Variants in SUGCT observed in about 807,000 individuals in gnomAD.
SUGCT encodes succinyl-CoA:glutarate-CoA transferase, also known as succinyl-CoA:glutarate CoA-transferase.
In SUGCT, 41 loss-of-function variants were observed where a neutral mutation model predicts 55.0. That is an observed-to-expected ratio of 0.74 (90% CI 0.58 to 0.97). SUGCT has a LOEUF of 0.97. Among genes scored for constraint, SUGCT ranks in the 50% least tolerant of loss-of-function variants. SUGCT has a pLI of 0.00. For synonymous variants in SUGCT, 187 were observed against 200.4 expected (o/e 0.93, Z 0.56); for missense variants, 568 against 547.8 (o/e 1.04, Z -0.37).
intron 12 of SUGCT, among the ~76,000 whole-genome samples, chr7:40,622,602 C>T (rs11771761): frequency 7.5e-6 from 1 of 133,050 alleles, no homozygotes; most frequent in South Asian, 2.7e-4. Context: ...TATATGCATA[C>T]TGCTATACCC....
intron 12 of SUGCT, among the ~76,000 whole-genome samples, chr7:40,741,079 G>T (rs1399023807): frequency 1.3e-5 from 2 of 151,960 alleles, no homozygotes; most frequent in African/African-American, 4.8e-5. Context: ...AGGAGTTCAA[G>T]ACTGTCAGAT....
chr7:40,757,586 T>A (rs1299832788), intron 13 of SUGCT, among the ~76,000 whole-genome samples: 4 of 152,316 alleles, frequency 2.6e-5, no homozygotes, highest in African/African-American at 7.2e-5. Context: ...GAAGTGATAT[T>A]TATGCTCAAG....
Position 40,246,683 on chromosome 7 carries a change from GC to G in SUGCT, c.576+8959del, listed in dbSNP as rs1789904271. The stretch of plus-strand genomic sequence containing the variant: ...ATGATCTCCGCTCACTGCAACCTCT[GC>G]CTCCAAGGTTCAAGCGATTCTCGTG... On this transcript the variant is annotated intron_variant, in intron 7 of 13. Transcript: ENST00000335693. Among the ~76,000 whole-genome samples, 2 of 149,774 alleles carry G rather than the reference GC, an allele frequency of 1.3e-5. 1 individual carries two copies. The highest frequency in any genetic ancestry group is 4.2e-4 in the South Asian group (2 of 4,754).
chr7:40,809,182 GTTGTT>G (rs1344633853), intron 13 of SUGCT, among the ~76,000 whole-genome samples: 1 of 152,138 alleles, frequency 6.6e-6, no homozygotes, highest in Non-Finnish European at 1.5e-5. Context: ...TATAAACAAG[GTTGTT>G]ATGAAGATTA....
intron 6 of SUGCT, among the ~76,000 whole-genome samples, chr7:40,232,007 A>G (rs999661382): frequency 1.3e-5 from 2 of 152,140 alleles, no homozygotes; most frequent in South Asian, 4.1e-4. Context: ...AGGCTGAGGC[A>G]GGTGGATTGC....
intron 11 of SUGCT, among the ~76,000 whole-genome samples, chr7:40,490,298 T>C (rs192438984): frequency 1.3e-5 from 2 of 152,164 alleles, no homozygotes; most frequent in African/African-American, 4.8e-5. Context: ...TTTGTATATT[T>C]GTTGCTATGA....
intron 9 of SUGCT, among the ~76,000 whole-genome samples, chr7:40,417,964 C>A (rs1787102163): frequency 6.6e-6 from 1 of 151,828 alleles, no homozygotes; most frequent in Non-Finnish European, 1.5e-5. Context: ...CATAGAAAAA[C>A]AATACATGTG....
intron 12 of SUGCT, among the ~76,000 whole-genome samples, chr7:40,595,927 A>G (rs993646982): frequency 1.3e-5 from 2 of 152,196 alleles, no homozygotes; most frequent in Non-Finnish European, 2.9e-5. Flanking sequence ...TCTGCAGCTG[A>G]TGGAAAACAT....
At chr7:40,715,607 A>C (rs1363461782) in intron 12 of SUGCT, among the ~76,000 whole-genome samples, 1 of 152,156 alleles carries the variant, frequency 6.6e-6, no homozygotes, top group Non-Finnish European at 1.5e-5. Context: ...TAAAAGCTAC[A>C]AAAGGAAGAA....
intron 12 of SUGCT, among the ~76,000 whole-genome samples, chr7:40,532,500 T>C (rs989365525): frequency 6.6e-6 from 1 of 151,350 alleles, no homozygotes; most frequent in Non-Finnish European, 1.5e-5. Context: ...ACTTCAAGTC[T>C]GACACCCTGA....
At chr7:40,441,757 G>A (rs1319711242) in intron 9 of SUGCT, among the ~76,000 whole-genome samples, 2 of 152,168 alleles carry the variant, frequency 1.3e-5, no homozygotes, top group African/African-American at 4.8e-5. Flanking sequence ...GAGTATGGGA[G>A]TTTGGAAGTA....
intron 11 of SUGCT, among the ~76,000 whole-genome samples, chr7:40,494,184 A>C (rs1327291445): frequency 6.6e-6 from 1 of 152,162 alleles, no homozygotes; most frequent in Admixed American, 6.5e-5. Context: ...TTCTGTGTAG[A>C]TCTTTCAGGC....
At chr7:40,295,403 C>T (rs536855981) in intron 8 of SUGCT, among the ~76,000 whole-genome samples, 1 of 152,160 alleles carries the variant, frequency 6.6e-6, no homozygotes, top group East Asian at 1.9e-4. Context: ...TGGTGAAACC[C>T]CATCTCTACT....
intron 13 of SUGCT, among the ~76,000 whole-genome samples, chr7:40,854,653 A>G (rs1794076549): frequency 6.6e-6 from 1 of 151,994 alleles, no homozygotes; most frequent in Admixed American, 6.6e-5. Flanking sequence ...ATGTCCCTTG[A>G]GAAAGTTGAA....
At chr7:40,711,720 G>A (rs1394810294) in intron 12 of SUGCT, among the ~76,000 whole-genome samples, 1 of 152,114 alleles carries the variant, frequency 6.6e-6, no homozygotes, top group Non-Finnish European at 1.5e-5. Flanking sequence ...ACTAACTGTT[G>A]GAGTCACTCA....
chr7:40,286,860 C>A (rs1439325032), intron 8 of SUGCT, among the ~76,000 whole-genome samples: 2 of 152,098 alleles, frequency 1.3e-5, no homozygotes, highest in Admixed American at 6.6e-5. Context: ...GAGGGACTTT[C>A]TTGGCAGGAC....
intron 9 of SUGCT, among the ~76,000 whole-genome samples, chr7:40,428,522 CTGTGTGTGTG>C (rs56017526): frequency 1.4e-3 from 201 of 148,872 alleles, no homozygotes; most frequent in African/African-American, 2.5e-3. Context: ...TCTGTCTCTG[CTGTGTGTGTG>C]TGTGTGTGTG....
intron 12 of SUGCT, among the ~76,000 whole-genome samples, chr7:40,590,689 G>A (rs1325810482): frequency 6.6e-6 from 1 of 152,130 alleles, no homozygotes; most frequent in African/African-American, 2.4e-5. Flanking sequence ...AAGCTCAAAG[G>A]ACAGGCTGAC....
rs1161587630 is a variant in SUGCT, at chr7:40,489,050, TGG to T, written c.987-7233_987-7232del. ...TTTCCTGCTGTTATTTCTTTAAATG[TGG>T]TTGTACCCCTTTACCTTTCTCCACT... On this transcript the variant is annotated intron_variant, in intron 11 of 13. Coordinates refer to ENST00000335693, the MANE Select transcript of SUGCT (RefSeq NM_001193313.2). Among the ~76,000 whole-genome samples the T allele has an allele frequency of 2.8e-4, 43 of 152,286 alleles. No homozygotes were observed. In the East Asian group the frequency reaches 6.9e-3, roughly 25 times the overall value.
Sources: allele counts gnomAD v4.1 joint callset (sites outside exome capture counted in the v4.1 genomes callset), GRCh38; gene constraint gnomAD v4.1.1; transcripts MANE v1.5; gene names NCBI Gene and HGNC (gene_info 2026-07-23, HGNC 2026-07-21).